The following FAM53B variants were observed in gnomAD, a reference collection of about 807,000 sequenced individuals.
FAM53B encodes family with sequence similarity 53 member B, also known as protein FAM53B.
A neutral mutation model predicts 32.7 loss-of-function variants in FAM53B; 12 were observed. That is an observed-to-expected ratio of 0.37 (90% CI 0.24 to 0.59). The LOEUF (loss-of-function observed/expected upper bound fraction) is 0.59, where lower values mean the gene tolerates loss of function less well. Among genes scored for constraint, FAM53B ranks in the 20% least tolerant of loss-of-function variants. The pLI is 0.72. For synonymous variants in FAM53B, 234 were observed against 228.7 expected (o/e 1.02, Z -0.21); for missense variants, 477 against 577.7 (o/e 0.83, Z 1.79).
chr10:124,723,738 AG>A lies in FAM53B; in HGVS notation c.-174-16852del, dbSNP rs138466222. ...GGGCCAGGCAGAGCCTGGACAGCCC[AG>A]GCCTCTGCAGGAACCCCAGTGGGAC... On this transcript the variant is annotated intron_variant, in intron 1 of 4. Coordinates refer to ENST00000337318, the MANE Select transcript of FAM53B (RefSeq NM_014661.4). Among the ~76,000 whole-genome samples the A allele has an allele frequency of 4.3e-3, 650 of 152,384 alleles. 27 individuals are homozygous for A. The East Asian group carries it at 0.087, about 20-fold the overall frequency.
chr10:124,710,021 G>C (rs990163393), intron 1 of FAM53B, among the ~76,000 whole-genome samples: 2 of 152,224 alleles, frequency 1.3e-5, no homozygotes, highest in Non-Finnish European at 2.9e-5. Context: ...TCATCAGGAA[G>C]GGCAGGGCAC....
intron 4 of FAM53B, among the ~76,000 whole-genome samples, chr10:124,659,003 G>A (rs1949612905): frequency 6.6e-6 from 1 of 152,226 alleles, no homozygotes; most frequent in African/African-American, 2.4e-5. Flanking sequence ...GTGCTTCTGT[G>A]TCTGTGGTGG....
intron 1 of FAM53B, among the ~76,000 whole-genome samples, chr10:124,739,102 G>A (rs1427703035): frequency 6.6e-6 from 1 of 151,902 alleles, no homozygotes; most frequent in Non-Finnish European, 1.5e-5. Flanking sequence ...GAGAGGAGGG[G>A]AAAAGGCAGT....
At chr10:124,687,028 ATAT>A (rs1342027804) in intron 3 of FAM53B, among the ~76,000 whole-genome samples, 1 of 152,262 alleles carries the variant, frequency 6.6e-6, no homozygotes, top group Non-Finnish European at 1.5e-5. Flanking sequence ...CAGGCAGATA[ATAT>A]TGTAATTGTT....
At chr10:124,684,186 C>T (rs1949789501) in intron 3 of FAM53B, among the ~76,000 whole-genome samples, 1 of 152,246 alleles carries the variant, frequency 6.6e-6, no homozygotes, top group Admixed American at 6.5e-5. Context: ...GCTGAAGATG[C>T]AGGAGAGAAA....
rs1554902722 is a variant in FAM53B at position 124,635,092 on chromosome 10, A to AT, written c.907-11489dup. Among the ~76,000 whole-genome samples, 3 of 55,776 alleles carry AT rather than the reference A, an allele frequency of 5.4e-5. No individual in the cohort carries two copies. In the East Asian group the frequency reaches 1.6e-3, roughly 29 times the overall value. The allele number at this position is 55,776 out of a possible 152,430, so 36.6% of individuals were successfully genotyped here. On this transcript the variant is annotated intron_variant, in intron 4 of 4. Transcript: ENST00000337318. ...CAATGACACAATTATTTTATTTTTT[A>AT]TTTTTATTTTTGTTTTTGGAGACAG...
chr10:124,644,813 G>C (rs1949501233), intron 4 of FAM53B, among the ~76,000 whole-genome samples: 2 of 152,222 alleles, frequency 1.3e-5, no homozygotes, highest in African/African-American at 4.8e-5. Flanking sequence ...TCCAGCCAGA[G>C]CCTGCTCTGA....
chr10:124,628,782 G>A (rs73379040), intron 4 of FAM53B, among the ~76,000 whole-genome samples: 3,905 of 152,336 alleles, frequency 0.026, 125 homozygotes, highest in African/African-American at 0.069. Context: ...ATGACCAACA[G>A]GTGCAGGGAC....
intron 4 of FAM53B, among the ~76,000 whole-genome samples, chr10:124,640,173 G>C (rs1411804465): frequency 1.3e-5 from 2 of 152,262 alleles, no homozygotes; most frequent in Non-Finnish European, 2.9e-5. Context: ...GGCAATTCAG[G>C]GAGCCCTGAC....
At chr10:124,680,220 A>G (rs1235408417) in intron 4 of FAM53B, among the ~76,000 whole-genome samples, 3 of 152,336 alleles carry the variant, frequency 2.0e-5, no homozygotes, top group African/African-American at 7.2e-5. Flanking sequence ...CTAGCTGAGA[A>G]GAGGCAAGAG....
intron 2 of FAM53B, among the ~76,000 whole-genome samples, chr10:124,697,990 G>C (rs1045626670): frequency 2.0e-5 from 3 of 152,204 alleles, no homozygotes; most frequent in African/African-American, 7.2e-5. Flanking sequence ...AATGGCAAGT[G>C]GATGACAAGC....
intron 1 of FAM53B, among the ~76,000 whole-genome samples, chr10:124,742,150 T>A (rs956208249): frequency 6.6e-6 from 1 of 152,190 alleles, no homozygotes; most frequent in Non-Finnish European, 1.5e-5. Context: ...AAAAAGCGCC[T>A]GGAAGCTGGA....
intron 4 of FAM53B, among the ~76,000 whole-genome samples, chr10:124,656,193 A>C (rs753392453): frequency 3.3e-4 from 50 of 152,272 alleles, no homozygotes; most frequent in Admixed American, 3.3e-3. Context: ...GCAAGGCCCA[A>C]GATCTGGGAG....
intron 1 of FAM53B, among the ~76,000 whole-genome samples, chr10:124,717,728 A>G (rs1950045893): frequency 6.6e-6 from 1 of 152,202 alleles, no homozygotes; most frequent in South Asian, 2.1e-4. Flanking sequence ...TTATGCATAC[A>G]GGGGCATCTT....
At position 124,623,413 on chromosome 10, in the gene FAM53B, G is replaced by A. The variant is rs755534842; in HGVS notation, c.1098C>T (p.His366=). The part of the protein sequence containing the change: ...PEPLPPSFDD[H]LACQEDLSCE... ...AGGACAGGTCCTCCTGGCAGGCGAG[G>A]TGGTCGTCGAAGGAAGGGGGAAGAG... Residue 366 remains histidine (H), a synonymous_variant, in exon 5 of 5, where the codon CAC becomes CAT. Coordinates refer to ENST00000337318, the MANE Select transcript of FAM53B (RefSeq NM_014661.4). The A allele has an allele frequency of 3.1e-6, 5 of 1,609,844 alleles. No homozygotes were observed. The South Asian group carries it at 3.3e-5, about 11-fold the overall frequency.
chr10:124,625,206 A>T (rs2134034258), intron 4 of FAM53B, among the ~76,000 whole-genome samples: 1 of 152,324 alleles, frequency 6.6e-6, no homozygotes, highest in East Asian at 1.9e-4. Context: ...CTCTCTCTGG[A>T]GGAAGGTATA....
chr10:124,633,078 CTG>C (rs1202678289), intron 4 of FAM53B, among the ~76,000 whole-genome samples: 1 of 152,164 alleles, frequency 6.6e-6, no homozygotes, highest in African/African-American at 2.4e-5. Flanking sequence ...AACTGTGCCT[CTG>C]TCTCTCTGTG....
chr10:124,685,438 T>C (rs550742400), intron 3 of FAM53B, among the ~76,000 whole-genome samples: 1 of 152,290 alleles, frequency 6.6e-6, no homozygotes, highest in South Asian at 2.1e-4. Context: ...GAAGTTGCCA[T>C]ACAAAATGCT....
At chr10:124,679,433 G>A (rs1486812169) in intron 4 of FAM53B, among the ~76,000 whole-genome samples, 1 of 152,166 alleles carries the variant, frequency 6.6e-6, no homozygotes, top group Non-Finnish European at 1.5e-5. Flanking sequence ...AAATACACAG[G>A]GATACCCTAG....
Sources: gnomAD v4.1 joint callset for allele counts (sites outside exome capture counted in the v4.1 genomes callset) on GRCh38, gnomAD v4.1.1 for gene constraint, MANE v1.5 for transcripts, NCBI Gene and HGNC (gene_info 2026-07-23, HGNC 2026-07-21) for gene names.